The following BACH2 variants were observed in gnomAD, a reference collection of about 807,000 sequenced individuals.
The protein encoded by BACH2 is transcription regulator protein BACH2.
In BACH2, 5 loss-of-function variants were observed where a neutral mutation model predicts 61.8. The ratio of observed to expected loss-of-function variants is 0.08; its 90% CI spans 0.04 to 0.17. BACH2 has a LOEUF of 0.17. BACH2 is among the 10% of genes least tolerant of loss of function. The probability of loss-of-function intolerance (pLI) is 1.00; values close to 1 mark genes in which losing one functional copy is unlikely to be tolerated. For synonymous variants in BACH2, 446 were observed against 440.1 expected, an observed-to-expected ratio of 1.01 and a Z score of -0.17; for missense variants, 824 against 1,091.1, an observed-to-expected ratio of 0.76 and a Z score of 3.45.
At chr6:90,110,313 A>C (rs1489086882) in intron 4 of BACH2, among the ~76,000 whole-genome samples, 2 of 152,198 alleles carry the variant, frequency 1.3e-5, no homozygotes, top group Admixed American at 1.3e-4. Context: ...AAAATCTGTC[A>C]ATAAACTTTT....
chr6:90,274,242 A>C (rs538454616), intron 1 of BACH2, among the ~76,000 whole-genome samples: 3 of 152,354 alleles, frequency 2.0e-5, no homozygotes, highest in Admixed American at 2.0e-4. Context: ...TGATGAGAGA[A>C]TATATTAGCT....
intron 5 of BACH2, among the ~76,000 whole-genome samples, chr6:90,024,773 T>C (rs915908259): frequency 2.0e-5 from 3 of 152,132 alleles, no homozygotes; most frequent in African/African-American, 7.2e-5. Flanking sequence ...CCAATAACAG[T>C]GTGAACTTTC....
intron 3 of BACH2, among the ~76,000 whole-genome samples, chr6:90,247,707 T>C (rs1016368669): frequency 2.0e-5 from 3 of 152,172 alleles, no homozygotes; most frequent in African/African-American, 7.2e-5. Flanking sequence ...CACCCTATGC[T>C]TCAGTTAAAA....
At chr6:90,099,110 G>GT (rs1347378133) in intron 4 of BACH2, among the ~76,000 whole-genome samples, 6 of 151,544 alleles carry the variant, frequency 4.0e-5, no homozygotes, top group Non-Finnish European at 8.8e-5. Context: ...TAATTCCTTT[G>GT]TTTTTTCTCC....
chr6:90,243,303 T>C (rs1770521254), intron 3 of BACH2, among the ~76,000 whole-genome samples: 1 of 152,170 alleles, frequency 6.6e-6, no homozygotes, highest in South Asian at 2.1e-4. Context: ...CTTAAGAAGG[T>C]GACTATGATC....
chr6:90,096,646 A>C (rs1782391798), intron 4 of BACH2, among the ~76,000 whole-genome samples: 1 of 152,218 alleles, frequency 6.6e-6, no homozygotes, highest in Non-Finnish European at 1.5e-5. Context: ...GAGGAACCAG[A>C]GGAGAGACAT....
chr6:90,099,263 C>A (rs144298309), intron 4 of BACH2, among the ~76,000 whole-genome samples: 1 of 152,266 alleles, frequency 6.6e-6, no homozygotes, highest in Admixed American at 6.5e-5. Flanking sequence ...TAGGAATAAG[C>A]CTAAAGTCAG....
intron 4 of BACH2, among the ~76,000 whole-genome samples, chr6:90,109,996 T>C (rs192702724): frequency 2.0e-5 from 3 of 152,374 alleles, no homozygotes; most frequent in Non-Finnish European, 2.9e-5. Flanking sequence ...AATCACATAT[T>C]TTATGAAAAT....
At chr6:90,134,464 G>A (rs145125144) in intron 4 of BACH2, among the ~76,000 whole-genome samples, 53 of 152,346 alleles carry the variant, frequency 3.5e-4, no homozygotes, top group Middle Eastern at 3.4e-3. Context: ...GATGAGAAGA[G>A]TCCTTCCTGG....
chr6:90,155,049 T>C (rs973779053), intron 4 of BACH2, among the ~76,000 whole-genome samples: 1 of 152,196 alleles, frequency 6.6e-6, no homozygotes, highest in Admixed American at 6.5e-5. Flanking sequence ...TCCAATGCTA[T>C]TTGAGGCGGA....
intron 1 of BACH2, among the ~76,000 whole-genome samples, chr6:90,277,340 C>T (rs1227717435): frequency 1.3e-5 from 2 of 152,156 alleles, no homozygotes; most frequent in Non-Finnish European, 1.5e-5. Flanking sequence ...TGGTGTCATG[C>T]ACAATATGAG....
intron 5 of BACH2, among the ~76,000 whole-genome samples, chr6:90,046,480 G>T (rs1001560033): frequency 1.3e-5 from 2 of 152,284 alleles, no homozygotes; most frequent in Middle Eastern, 6.8e-3. Context: ...AATATTTGTG[G>T]ATCCCTAACT....
intron 5 of BACH2, among the ~76,000 whole-genome samples, chr6:90,015,801 G>T (rs1190837107): frequency 6.6e-6 from 1 of 152,172 alleles, no homozygotes; most frequent in East Asian, 1.9e-4. Context: ...TGTTGTTCAA[G>T]TCTTCTAATA....
At chr6:90,013,510 C>CTTTTTT (rs35707698) in intron 5 of BACH2, among the ~76,000 whole-genome samples, 12 of 117,442 alleles carry the variant, frequency 1.0e-4, no homozygotes, top group South Asian at 2.8e-4. Flanking sequence ...TTTTCTTTTT[C>CTTTTTT]TTTTTTTTTT....
chr6:90,039,517 C>T (rs1053306813), intron 5 of BACH2, among the ~76,000 whole-genome samples: 1 of 152,034 alleles, frequency 6.6e-6, no homozygotes, highest in Non-Finnish European at 1.5e-5. Context: ...CCTGAGTAGT[C>T]GGGACCACAG....
At chr6:89,959,454 T>C (rs764577898) in intron 6 of BACH2, among the ~76,000 whole-genome samples, 8 of 152,162 alleles carry the variant, frequency 5.3e-5, no homozygotes, top group Non-Finnish European at 1.2e-4. Flanking sequence ...ATTTTTGCTA[T>C]GATTTCTCCT....
chr6:90,097,405 C>A (rs1782425562), intron 4 of BACH2, among the ~76,000 whole-genome samples: 1 of 152,158 alleles, frequency 6.6e-6, no homozygotes, highest in Admixed American at 6.5e-5. Context: ...AGGAAGAAGG[C>A]AGCATTTGTG....
chr6:89,932,768 C>G lies in BACH2; in HGVS notation c.2166G>C (p.Gln722His). 6.2e-7 allele frequency: 1 copy of G among 1,613,954 alleles called. No individual in the cohort carries two copies. ...EVCRDIQSPE[Q>H]IQALHRYCPV... The stretch of plus-strand genomic sequence containing the variant: ...GGCAATACCGATGCAGGGCCTGGAT[C>G]TGCTCGGGGCTCTGGATGTCTCGGC... The change falls in exon 9 of 9, where the codon CAG (glutamine) becomes CAC (histidine). Residue 722 changes from glutamine (Q) to histidine (H), a missense_variant. Physicochemically the swap from Gln to His is conservative, Grantham distance 24 (BLOSUM62 0). This residue lies in a region of BACH2 where 160 missense variants were observed against 283.5 expected (regional missense o/e 0.56). Coordinates refer to ENST00000257749, the MANE Select transcript of BACH2 (RefSeq NM_021813.4).
intron 8 of BACH2, among the ~76,000 whole-genome samples, chr6:89,935,201 C>A (rs1162932878): frequency 6.6e-6 from 1 of 152,046 alleles, no homozygotes; most frequent in African/African-American, 2.4e-5. Context: ...CCAGCGCCAT[C>A]CCTGTCAGGA....
Sources: gnomAD v4.1 joint callset for allele counts (sites outside exome capture counted in the v4.1 genomes callset) on GRCh38, gnomAD v4.1.1 for gene constraint, gnomAD v4.1.1 regional missense constraint, MANE v1.5 for transcripts, NCBI Gene and HGNC (gene_info 2026-07-23, HGNC 2026-07-21) for gene names.